The following GNB1L variants were observed in gnomAD, a reference collection of about 807,000 sequenced individuals.
GNB1L encodes the protein guanine nucleotide-binding protein subunit beta-like protein 1.
GNB1L carries 20 observed loss-of-function variants against 29.1 expected under a neutral mutation model. The observed-to-expected ratio is 0.69, with a 90% CI of 0.48 to 1.00. The LOEUF is 1.00. Among genes scored for constraint, GNB1L ranks in the 50% least tolerant of loss-of-function variants. The pLI is 0.00. For missense variants in GNB1L, 421 were observed against 464.9 expected (o/e 0.91, Z 0.87); for synonymous variants, 193 against 206.5 (o/e 0.93, Z 0.56).
rs1235826029 is a variant in GNB1L, at chr22:19,785,780, G to A, written c.*2929C>T. ...ACAGGAAGTGGCTGTTTGCTAGGAA[G>A]AGAATGCCAATGTTCAGGTGCATCT... On this transcript the variant is annotated 3_prime_UTR_variant, in exon 8 of 8. Transcript: ENST00000329517. This position sits in a 1 kb window ranked among gnomAD's most constrained non-coding sequence, Gnocchi z 4.1. 1 of 152,302 alleles carries A rather than the reference G, an allele frequency of 6.6e-6. No individual in the cohort carries two copies. Among genetic ancestry groups the A allele is most frequent in the Non-Finnish European group, 1.5e-5 (1 of 68,066 alleles). 9.4% of individuals were successfully genotyped at this position (152,302 alleles called of 1,614,324 possible). A position where few individuals can be genotyped will look rare whatever the true frequency, so the allele number is the denominator to read the frequency against.
At chr22:19,847,971 C>T in intron 2 of GNB1L, 2 of 985,286 alleles carry the variant, frequency 2.0e-6, no homozygotes, top group Non-Finnish European at 2.4e-6. Context: ...ATCCATTTTA[C>T]TCGTTAATTG....
chr22:19,825,451 C>G (rs1038919383), intron 2 of GNB1L, among the ~76,000 whole-genome samples: 2 of 150,220 alleles, frequency 1.3e-5, no homozygotes, highest in Middle Eastern at 3.5e-3. Flanking sequence ...GAGACCTTGC[C>G]TTTACAAAAA....
intron 7 of GNB1L, among the ~76,000 whole-genome samples, chr22:19,795,314 G>T (rs933605039): frequency 6.6e-6 from 1 of 151,924 alleles, no homozygotes; most frequent in East Asian, 1.9e-4. Flanking sequence ...CACAGTTAAA[G>T]ATTTTAAGAG....
chr22:19,815,763 G>A (rs1937521547), intron 4 of GNB1L, among the ~76,000 whole-genome samples: 1 of 152,050 alleles, frequency 6.6e-6, no homozygotes, highest in South Asian at 2.1e-4. Flanking sequence ...TGTATTTTTT[G>A]TAGAGACGAG....
chr22:19,792,204 G>A (rs956469634), intron 7 of GNB1L: 4 of 590,906 alleles, frequency 6.8e-6, no homozygotes, highest in Non-Finnish European at 1.2e-5. Context: ...CCCCAAAATG[G>A]CAGAGATGTT....
chr22:19,839,118 T>C (rs1417904493), intron 2 of GNB1L, among the ~76,000 whole-genome samples: 1 of 152,112 alleles, frequency 6.6e-6, no homozygotes, highest in Non-Finnish European at 1.5e-5. Context: ...CCAGTGACTG[T>C]CATGGATCAG....
At chr22:19,820,744 A>G (rs1395239582) in intron 3 of GNB1L, 21 bp from the exon 4 acceptor site, 8 of 1,600,628 alleles carry the variant, frequency 5.0e-6, no homozygotes, top group East Asian at 2.2e-5. Context: ...CAAGCCGAGC[A>G]GGGTGTCAGG....
intron 7 of GNB1L, among the ~76,000 whole-genome samples, chr22:19,799,169 G>A (rs952857726): frequency 7.2e-5 from 11 of 152,220 alleles, no homozygotes; most frequent in African/African-American, 1.2e-4. Context: ...TGCCTGGGGT[G>A]GGGGAGCCTC....
intron 2 of GNB1L, among the ~76,000 whole-genome samples, chr22:19,834,761 C>T (rs1243560006): frequency 6.6e-6 from 1 of 150,512 alleles, no homozygotes; most frequent in Admixed American, 6.6e-5. Flanking sequence ...CTAAATAATT[C>T]AAGAGAGGAC....
chr22:19,791,043 C>T (rs1341809757), intron 7 of GNB1L, among the ~76,000 whole-genome samples: 1 of 152,174 alleles, frequency 6.6e-6, no homozygotes, highest in African/African-American at 2.4e-5. Flanking sequence ...CCAGCCTGGG[C>T]AACATATAGA....
At chr22:19,819,432 A>T (rs1288071256) in intron 4 of GNB1L, among the ~76,000 whole-genome samples, 1 of 152,212 alleles carries the variant, frequency 6.6e-6, no homozygotes, top group East Asian at 1.9e-4. Context: ...CCTGGGCTCA[A>T]TGCGGACCCC....
chr22:19,835,944 C>A (rs1266843808), intron 2 of GNB1L, among the ~76,000 whole-genome samples: 1 of 152,150 alleles, frequency 6.6e-6, no homozygotes, highest in East Asian at 1.9e-4. Context: ...GCATTAAATA[C>A]TTACATCGAC....
chr22:19,812,417 C>T lies in GNB1L; in HGVS notation c.285G>A (p.Trp95Ter), dbSNP rs755101390. 3 of 1,613,176 alleles carry T rather than the reference C, an allele frequency of 1.9e-6. No individual in the cohort carries two copies. Among genetic ancestry groups the T allele is most frequent in the Non-Finnish European group, 2.5e-6 (3 of 1,179,822 alleles). ...SQGRDLKLCL[W>*]DLAEGRSAVV... ...CAGCGCTCCTGCCCTCCGCGAGGTC[C>T]CACAGGCACAGCTTCAGGTCCCGGC... The change falls in exon 5 of 8, where the codon TGG becomes TGA. Residue 95 changes from tryptophan (W) to a stop codon, truncating the protein, a stop_gained. Coordinates refer to ENST00000329517, the MANE Select transcript of GNB1L (RefSeq NM_053004.3). LOFTEE classifies it high-confidence loss of function.
At chr22:19,813,377 T>A (rs545096858) in intron 4 of GNB1L, among the ~76,000 whole-genome samples, 48 of 152,256 alleles carry the variant, frequency 3.2e-4, no homozygotes, top group African/African-American at 1.1e-3. Context: ...TGCCAGGCAG[T>A]GAGAAATGCT....
intron 7 of GNB1L, among the ~76,000 whole-genome samples, chr22:19,789,664 C>G (rs867588140): frequency 2.0e-4 from 30 of 151,948 alleles, no homozygotes; most frequent in African/African-American, 7.3e-4. Context: ...ACGGGGCCGT[C>G]GGGGTGCTGG....
intron 2 of GNB1L, chr22:19,851,960 C>A: frequency 6.2e-7 from 1 of 1,614,148 alleles, no homozygotes; most frequent in Non-Finnish European, 8.5e-7. Flanking sequence ...TGGGTCTGAG[C>A]CTGGTACCCA....
At chr22:19,821,819 A>C (rs1375663952) in intron 2 of GNB1L, among the ~76,000 whole-genome samples, 1 of 152,142 alleles carries the variant, frequency 6.6e-6, no homozygotes, top group Admixed American at 6.5e-5. Context: ...CCCAGATCCC[A>C]GGGGCCACAC....
chr22:19,802,051 C>A lies in GNB1L; in HGVS notation c.682G>T (p.Ala228Ser). The change falls in exon 7 of 8, where the codon GCG (alanine) becomes TCG (serine). Residue 228 changes from alanine (A) to serine (S), a missense_variant. Ala to Ser is a moderately conservative substitution (Grantham distance 99, BLOSUM62 1). Coordinates refer to ENST00000329517, the MANE Select transcript of GNB1L (RefSeq NM_053004.3). ...CTCCAGACAGCCAGCGCCTTCCCCGCGGAGCCTGAGATGCCCCTGGCCTTC... is the reference window on the plus strand; with the variant it reads ...CTCCAGACAGCCAGCGCCTTCCCCGAGGAGCCTGAGATGCCCCTGGCCTTC... ...SQKARGISGS[A>S]GKALAVWSLD... The A allele has an allele frequency of 6.2e-7, 1 of 1,611,320 alleles. No homozygotes were observed. The highest frequency in any genetic ancestry group is 8.5e-7 in the Non-Finnish European group (1 of 1,179,088).
intron 2 of GNB1L, among the ~76,000 whole-genome samples, chr22:19,827,521 G>A (rs1468089): frequency 0.54 from 81,595 of 152,076 alleles, 23,870 homozygotes; most frequent in African/African-American, 0.79. Flanking sequence ...AGCAAACACC[G>A]AAAGAAAAAT....
Sources: gnomAD v4.1 joint callset for allele counts (sites outside exome capture counted in the v4.1 genomes callset) on GRCh38, gnomAD v4.1.1 for gene constraint, Gnocchi (gnomAD v3.1) non-coding constraint, MANE v1.5 for transcripts, NCBI Gene and HGNC (gene_info 2026-07-23, HGNC 2026-07-21) for gene names.